Variants in LRMDA observed in about 807,000 individuals in gnomAD.
LRMDA encodes the protein leucine rich melanocyte differentiation associated.
Under a neutral mutation model 29.8 loss-of-function variants are expected in LRMDA, and 18 were observed. The ratio of observed to expected loss-of-function variants is 0.60; its 90% CI spans 0.42 to 0.90. The LOEUF (loss-of-function observed/expected upper bound fraction) is 0.90. Ranked by LOEUF, LRMDA falls within the 40% of genes least tolerant of loss-of-function variation. The pLI, the probability that LRMDA is intolerant of heterozygous loss-of-function variation, is 0.00. For missense variants in LRMDA, 273 were observed against 273.9 expected (o/e 1.00, Z 0.02); for synonymous variants, 125 against 109.4 (o/e 1.14, Z -0.89).
chr10:76,219,541 G>C (rs1471221574), intron 5 of LRMDA, among the ~76,000 whole-genome samples: 2 of 152,104 alleles, frequency 1.3e-5, no homozygotes, highest in African/African-American at 4.8e-5. Context: ...AATGGTAAAG[G>C]GATCAATTCA....
At chr10:76,073,906 C>T (rs1848915038) in intron 5 of LRMDA, among the ~76,000 whole-genome samples, 1 of 152,156 alleles carries the variant, frequency 6.6e-6, no homozygotes, top group Non-Finnish European at 1.5e-5. Flanking sequence ...TACGGGTTCC[C>T]TAGAGCATCC....
chr10:75,736,361 G>C (rs754462869), intron 2 of LRMDA, among the ~76,000 whole-genome samples: 4 of 152,172 alleles, frequency 2.6e-5, no homozygotes, highest in Admixed American at 6.5e-5. Flanking sequence ...GGGGAGGGTG[G>C]TTGATTAGGA....
At chr10:76,369,525 T>A (rs190931788) in intron 6 of LRMDA, among the ~76,000 whole-genome samples, 1 of 152,326 alleles carries the variant, frequency 6.6e-6, no homozygotes, top group East Asian at 1.9e-4. Context: ...CTGGTGCTTC[T>A]GTCTCATAGC....
At chr10:76,455,280 T>C (rs2132303265) in intron 6 of LRMDA, among the ~76,000 whole-genome samples, 1 of 152,214 alleles carries the variant, frequency 6.6e-6, no homozygotes, top group South Asian at 2.1e-4. Flanking sequence ...TGATTAGAAA[T>C]GGAAAATATA....
chr10:75,440,968 T>A (rs1013089132), intron 2 of LRMDA, among the ~76,000 whole-genome samples: 2 of 151,466 alleles, frequency 1.3e-5, no homozygotes, highest in Admixed American at 1.3e-4. Context: ...ACCTGGGAGG[T>A]AGAGGTTGCA....
chr10:76,544,710 G>A (rs1843398349), intron 6 of LRMDA, among the ~76,000 whole-genome samples: 1 of 145,300 alleles, frequency 6.9e-6, no homozygotes, highest in South Asian at 2.3e-4. Flanking sequence ...ATATATACAT[G>A]CACACACACA....
At chr10:75,491,081 G>A (rs964872537) in intron 2 of LRMDA, among the ~76,000 whole-genome samples, 1 of 152,154 alleles carries the variant, frequency 6.6e-6, no homozygotes, top group Non-Finnish European at 1.5e-5. Flanking sequence ...CATTATTAAT[G>A]GAAATGCATT....
chr10:76,523,392 C>T (rs1843141826), intron 6 of LRMDA, among the ~76,000 whole-genome samples: 1 of 152,134 alleles, frequency 6.6e-6, no homozygotes, highest in South Asian at 2.1e-4. Flanking sequence ...AGCCAGATGG[C>T]TTACCTCTTC....
intron 4 of LRMDA, among the ~76,000 whole-genome samples, chr10:76,052,480 G>A (rs186914085): frequency 1.6e-4 from 25 of 152,258 alleles, no homozygotes; most frequent in Admixed American, 1.6e-3. Context: ...CAGGCAGGGG[G>A]AAAGAACATC....
chr10:75,552,384 G>A (rs182888956), intron 2 of LRMDA: 12 of 229,440 alleles, frequency 5.2e-5, no homozygotes, highest in Admixed American at 3.3e-4. Flanking sequence ...CTGTTGAGCA[G>A]TGCGCTGTCA....
intron 5 of LRMDA, among the ~76,000 whole-genome samples, chr10:76,294,511 C>T (rs935715733): frequency 3.3e-5 from 5 of 152,122 alleles, no homozygotes; most frequent in East Asian, 1.9e-4. Context: ...TTGAATTTGT[C>T]CTTGTCCCTG....
chr10:75,555,074 G>A lies in LRMDA; in HGVS notation c.131+116580G>A, dbSNP rs75754056. On this transcript the variant is annotated intron_variant, in intron 2 of 6. Transcript: ENST00000611255. ...GCATCCATGGGTATCTGATGAGAAG[G>A]GACAGTCTCTGATTCTGATGGGGAG... Among the ~76,000 whole-genome samples, 1,189 of 152,188 alleles carry A rather than the reference G, an allele frequency of 7.8e-3. 16 individuals carry two copies. The highest frequency in any genetic ancestry group is 0.028 in the African/African-American group (1,152 of 41,520).
intron 2 of LRMDA, among the ~76,000 whole-genome samples, chr10:75,928,859 G>A (rs546490942): frequency 1.2e-4 from 18 of 152,108 alleles, no homozygotes; most frequent in Non-Finnish European, 2.2e-4. Context: ...AATCTGGGAA[G>A]AGTGGCAAAA....
chr10:75,961,188 C>T (rs899070123), intron 2 of LRMDA, among the ~76,000 whole-genome samples: 1 of 152,178 alleles, frequency 6.6e-6, no homozygotes, highest in African/African-American at 2.4e-5. Context: ...AATACTCTTG[C>T]CAGCCTGCAA....
At chr10:76,115,967 G>A (rs1189853874) in intron 5 of LRMDA, among the ~76,000 whole-genome samples, 6 of 152,298 alleles carry the variant, frequency 3.9e-5, no homozygotes, top group Middle Eastern at 3.4e-3. Context: ...TGTTTCCCAG[G>A]TCCTCAATGC....
At chr10:76,282,850 CA>C (rs1840223618) in intron 5 of LRMDA, among the ~76,000 whole-genome samples, 1 of 152,126 alleles carries the variant, frequency 6.6e-6, no homozygotes, top group South Asian at 2.1e-4. Flanking sequence ...CGGCAGATTT[CA>C]GAGCCGTGCA....
intron 2 of LRMDA, among the ~76,000 whole-genome samples, chr10:75,725,425 C>G (rs1038061179): frequency 5.9e-5 from 9 of 152,196 alleles, no homozygotes; most frequent in African/African-American, 2.2e-4. Context: ...AGGTCTCATA[C>G]CTTGGGAGCA....
intron 5 of LRMDA, among the ~76,000 whole-genome samples, chr10:76,233,304 T>C (rs572015936): frequency 6.6e-6 from 1 of 152,342 alleles, no homozygotes; most frequent in East Asian, 1.9e-4. Flanking sequence ...AAATAAACAA[T>C]ATACATACCT....
At chr10:75,624,035 A>G (rs948753445) in intron 2 of LRMDA, among the ~76,000 whole-genome samples, 2 of 152,244 alleles carry the variant, frequency 1.3e-5, no homozygotes, top group Admixed American at 1.3e-4. Context: ...AATTACTCCA[A>G]TAACTTTATA....
Sources: allele counts gnomAD v4.1 joint callset (sites outside exome capture counted in the v4.1 genomes callset), GRCh38; gene constraint gnomAD v4.1.1; transcripts MANE v1.5; gene names NCBI Gene and HGNC (gene_info 2026-07-23, HGNC 2026-07-21).